ODF2: variants seen among roughly 807,000 people sequenced by gnomAD.
The protein encoded by ODF2 is outer dense fiber protein 2.
A neutral mutation model predicts 110.2 loss-of-function variants in ODF2; 47 were observed. The ratio of observed to expected loss-of-function variants is 0.43; its 90% CI spans 0.34 to 0.54. The LOEUF is 0.54. ODF2 is among the 20% of genes least tolerant of loss of function. The probability of loss-of-function intolerance (pLI) is 0.03; values close to 1 mark genes in which losing one functional copy is unlikely to be tolerated. For missense variants in ODF2, 812 were observed against 1,054.5 expected (o/e 0.77, Z 3.19); for synonymous variants, 352 against 397.7 (o/e 0.89, Z 1.37).
At chr9:128,477,706 A>G (rs1231497149) in intron 8 of ODF2, among the ~76,000 whole-genome samples, 1 of 151,766 alleles carries the variant, frequency 6.6e-6, no homozygotes. Context: ...CACGGGTTCA[A>G]GAGATTCTCC....
At position 128,481,470 on chromosome 9, in the gene ODF2, C is replaced by CT. The variant is rs1842385338; in HGVS notation, c.844-109dup. The CT allele has an allele frequency of 1.3e-4, 98 of 730,578 alleles. No homozygotes were observed. The East Asian group carries it at 3.1e-3, about 23-fold the overall frequency. 45.3% of individuals were successfully genotyped at this position (730,578 alleles called of 1,614,324 possible). ...CCAGCCTGGGCAACAGAGTAAGACT[C>CT]TAAAAAAAAAAAAAAATACAATTTT... On this transcript the variant is annotated intron_variant, in intron 8 of 20. Transcript: ENST00000604420.
intron 18 of ODF2, 87 bp from the exon 19 acceptor site, chr9:128,498,326 A>C: frequency 7.1e-7 from 1 of 1,407,614 alleles, no homozygotes. Context: ...TGAGATCCCC[A>C]GTCCAGGAGA....
In ODF2 at chr9:128,473,866, T is replaced by C. The variant is rs1448010837; in HGVS notation, c.843+125T>C. 15 of 859,742 alleles carry C rather than the reference T, an allele frequency of 1.7e-5. No homozygotes were observed. The Admixed American group carries it at 3.3e-4, about 19-fold the overall frequency. The allele number at this position is 859,742 out of a possible 1,614,324, so 53.3% of individuals were successfully genotyped here. A position where few individuals can be genotyped will look rare whatever the true frequency, so the allele number is the denominator to read the frequency against. ...CTGAGAGGTCCTTAGAGAGATGTAA[T>C]GAAATTGTTCACATGAAGTGCTCAG... On this transcript the variant is annotated intron_variant, in intron 8 of 20. Transcript: ENST00000604420.
In ODF2 at chr9:128,461,035, TC is replaced by T; in HGVS notation, c.218del (p.Ser73TyrfsTer30). 6.2e-7 allele frequency: 1 copy of T among 1,614,032 alleles called. No individual in the cohort carries two copies. On this transcript the variant is annotated frameshift_variant, in exon 4 of 21. Coordinates refer to ENST00000604420, the Ensembl canonical transcript of ODF2. LOFTEE classifies it high-confidence loss of function. ...GGTACCTTGGATGCCCCCTGGAAAA[TC>T]ATCTGCCCGGCCTGTGGGATGCAAG...
At chr9:128,487,839 A>C in intron 13 of ODF2, 51 bp from the exon 14 acceptor site, 1 of 1,602,582 alleles carries the variant, frequency 6.2e-7, no homozygotes, top group Non-Finnish European at 8.5e-7. Context: ...ACACACAAAC[A>C]AACCTGTGTA....
chr9:128,464,088 G>T (rs560446975), intron 4 of ODF2, among the ~76,000 whole-genome samples: 1 of 148,004 alleles, frequency 6.8e-6, no homozygotes, highest in Non-Finnish European at 1.5e-5. Context: ...CAAGTAACCC[G>T]CCCACCTCAG....
intron 4 of ODF2, among the ~76,000 whole-genome samples, chr9:128,462,716 C>T (rs1836823864): frequency 6.6e-6 from 1 of 152,052 alleles, no homozygotes; most frequent in Non-Finnish European, 1.5e-5. Flanking sequence ...TCTTCTGCCT[C>T]AGCCTCCCGA....
intron 16 of ODF2, among the ~76,000 whole-genome samples, chr9:128,493,088 C>A (rs1844931876): frequency 6.9e-6 from 1 of 145,934 alleles, no homozygotes; most frequent in African/African-American, 2.5e-5. Context: ...ATAACAACAA[C>A]AAAAAAACTC....
chr9:128,464,116 A>G (rs1473614995), intron 4 of ODF2, among the ~76,000 whole-genome samples: 1 of 147,734 alleles, frequency 6.8e-6, no homozygotes, highest in Non-Finnish European at 1.5e-5. Context: ...AAGTGCTGGG[A>G]TAACAGGTGT....
intron 4 of ODF2, among the ~76,000 whole-genome samples, chr9:128,467,000 A>T (rs1838165779): frequency 1.5e-5 from 1 of 66,478 alleles, no homozygotes; most frequent in African/African-American, 7.0e-5. Context: ...AAAAAAAAAA[A>T]AAAAAAAAAA....
chr9:128,492,863 CTG>C, intron 16 of ODF2, 58 bp downstream of exon 16: 9 of 1,431,232 alleles, frequency 6.3e-6, no homozygotes, highest in Non-Finnish European at 8.8e-6. Context: ...AACTCAATGA[CTG>C]TGAGTCTGTT....
chr9:128,487,859 C>G (rs1554847345), intron 13 of ODF2, 31 bp from the exon 14 acceptor site: 4 of 1,612,298 alleles, frequency 2.5e-6, no homozygotes, highest in Non-Finnish European at 3.4e-6. Flanking sequence ...AATTGATTCT[C>G]TCTGTCTGCT....
intron 7 of ODF2, 68 bp from the exon 8 acceptor site, chr9:128,473,542 G>A (rs1489796494): frequency 1.9e-6 from 3 of 1,592,592 alleles, no homozygotes; most frequent in East Asian, 2.2e-5. Context: ...CAGACCTCTT[G>A]AGTGCCCATG....
At chr9:128,456,497 C>T (rs1834818139) in intron 1 of ODF2, 2 of 1,526,792 alleles carry the variant, frequency 1.3e-6, no homozygotes, top group Non-Finnish European at 8.7e-7. Flanking sequence ...TACCACGGGG[C>T]TCTGCCCCTC....
At chr9:128,459,194 G>A (rs772690720) in intron 2 of ODF2, among the ~76,000 whole-genome samples, 1 of 152,150 alleles carries the variant, frequency 6.6e-6, no homozygotes, top group Non-Finnish European at 1.5e-5. Context: ...CTCCAGGGCC[G>A]CCTCTGCTCC....
chr9:128,483,918 CT>C lies in ODF2; in HGVS notation c.988-15del. The C allele has an allele frequency of 1.3e-6, 2 of 1,574,270 alleles. No individual in the cohort carries two copies. The highest frequency in any genetic ancestry group is 8.7e-7 in the Non-Finnish European group (1 of 1,144,374). On this transcript the variant is annotated intron_variant, in intron 10 of 20. Coordinates refer to ENST00000604420, the Ensembl canonical transcript of ODF2. ...CAAACAAAAAATTGTGCCTCCATCA[CT>C]TTTTCCGTCTCTCCACAGGCTCAAG...
chr9:128,497,012 G>A (rs1001792727), intron 18 of ODF2, among the ~76,000 whole-genome samples: 1 of 152,132 alleles, frequency 6.6e-6, no homozygotes, highest in Non-Finnish European at 1.5e-5. Flanking sequence ...ACAGGCGGGA[G>A]CCACCACACC....
chr9:128,469,450 GC>G (rs1839156560), intron 5 of ODF2, 97 bp downstream of exon 5: 3 of 1,284,782 alleles, frequency 2.3e-6, no homozygotes, highest in Non-Finnish European at 3.3e-6. Context: ...GCGTCTGCAG[GC>G]CTTCAGGCCT....
At chr9:128,488,930 C>T (rs1843966233) in intron 14 of ODF2, among the ~76,000 whole-genome samples, 1 of 152,112 alleles carries the variant, frequency 6.6e-6, no homozygotes, top group Non-Finnish European at 1.5e-5. Flanking sequence ...TTGCTTGAGC[C>T]CAGGAAGTGG....
Sources: allele counts gnomAD v4.1 joint callset (sites outside exome capture counted in the v4.1 genomes callset), GRCh38; gene constraint gnomAD v4.1.1; transcripts MANE v1.5; gene names NCBI Gene and HGNC (gene_info 2026-07-23, HGNC 2026-07-21).